Variants in MALRD1 observed in about 807,000 individuals in gnomAD.
MALRD1 encodes MAM and LDL receptor class A domain containing 1.
A neutral mutation model predicts 242.1 loss-of-function variants in MALRD1; 247 were observed. That is an observed-to-expected ratio of 1.02 (90% CI 0.92 to 1.13). The LOEUF (loss-of-function observed/expected upper bound fraction) is 1.13, where lower values mean the gene tolerates loss of function less well. Ranked by LOEUF, MALRD1 falls within the 50% of genes most tolerant of loss-of-function variation. The pLI, the probability that MALRD1 is intolerant of heterozygous loss-of-function variation, is 0.00. For synonymous variants in MALRD1, 995 were observed against 866.6 expected (o/e 1.15, Z -2.60); for missense variants, 2,989 against 2,533.1 (o/e 1.18, Z -3.86).
intron 26 of MALRD1, among the ~76,000 whole-genome samples, chr10:19,355,843 T>TTTTATATATG (rs1554838607): frequency 3.4e-5 from 1 of 29,222 alleles, no homozygotes; most frequent in African/African-American, 2.4e-4. Flanking sequence ...AGAACATATA[T>TTTTATATATG]TATATATATA....
intron 33 of MALRD1, among the ~76,000 whole-genome samples, chr10:19,572,351 G>C (rs74584456): frequency 0.021 from 3,254 of 152,278 alleles, 97 homozygotes; most frequent in African/African-American, 0.073. Context: ...GATCTCATCT[G>C]TCTCCATGAG....
chr10:19,203,968 G>A (rs942563935), intron 15 of MALRD1, 88 bp downstream of exon 15: 6 of 1,433,766 alleles, frequency 4.2e-6, no homozygotes, highest in Non-Finnish European at 5.8e-6. Flanking sequence ...ACGGTTCTGT[G>A]ATAACTACAA....
At chr10:19,546,860 A>G (rs1835229377) in intron 32 of MALRD1, among the ~76,000 whole-genome samples, 1 of 152,164 alleles carries the variant, frequency 6.6e-6, no homozygotes, top group Non-Finnish European at 1.5e-5. Context: ...TTTGGAGAGT[A>G]TAGGTAAGTG....
At chr10:19,566,146 T>G (rs1836237341) in intron 32 of MALRD1, among the ~76,000 whole-genome samples, 1 of 151,962 alleles carries the variant, frequency 6.6e-6, no homozygotes. Flanking sequence ...ATTTATTTTT[T>G]GAGACACAGT....
intron 12 of MALRD1, among the ~76,000 whole-genome samples, chr10:19,163,722 T>C (rs1199382145): frequency 6.6e-6 from 1 of 152,176 alleles, no homozygotes; most frequent in Non-Finnish European, 1.5e-5. Context: ...TGTTCAGTGA[T>C]TTCACCCTCA....
chr10:19,488,378 T>C (rs1837324699), intron 29 of MALRD1, among the ~76,000 whole-genome samples: 2 of 152,112 alleles, frequency 1.3e-5, no homozygotes, highest in South Asian at 4.1e-4. Context: ...CAGCCAGCCA[T>C]GTATAAATAG....
chr10:19,639,476 G>A (rs1005090683), intron 36 of MALRD1, among the ~76,000 whole-genome samples: 1 of 152,098 alleles, frequency 6.6e-6, no homozygotes, highest in African/African-American at 2.4e-5. Flanking sequence ...CATACATTTT[G>A]AGACATCAGC....
chr10:19,667,105 A>AC (rs1841711243), intron 36 of MALRD1, among the ~76,000 whole-genome samples: 2 of 152,122 alleles, frequency 1.3e-5, no homozygotes, highest in East Asian at 3.9e-4. Flanking sequence ...AGAAGGCCCC[A>AC]CCCCCAGCAC....
chr10:19,608,348 C>G (rs1838735072), intron 35 of MALRD1, among the ~76,000 whole-genome samples: 1 of 151,958 alleles, frequency 6.6e-6, no homozygotes, highest in South Asian at 2.1e-4. Flanking sequence ...ATCTATTAAA[C>G]CTTAGCTTGA....
rs1838395696 is a variant in MALRD1, at chr10:19,237,606, T to TA, written c.2992-20078_2992-20077insA. 1.8e-4 allele frequency among the ~76,000 whole-genome samples: 13 copies of TA among 71,432 alleles called. No individual in the cohort carries two copies. In the Admixed American group the frequency reaches 3.6e-3, roughly 20 times the overall value. 46.9% of individuals were successfully genotyped at this position (71,432 alleles called of 152,430 possible). A position where few individuals can be genotyped will look rare whatever the true frequency, so the allele number is the denominator to read the frequency against. On this transcript the variant is annotated intron_variant, in intron 18 of 39. Coordinates refer to ENST00000454679, the MANE Select transcript of MALRD1 (RefSeq NM_001142308.3). The stretch of plus-strand genomic sequence containing the variant: ...TAATTATATAATTATATAATTATAA[T>TA]TATAATTATATAATTATATAATTAT...
chr10:19,545,763 A>T (rs1835181189), intron 32 of MALRD1, among the ~76,000 whole-genome samples: 1 of 152,136 alleles, frequency 6.6e-6, no homozygotes, highest in Non-Finnish European at 1.5e-5. Flanking sequence ...AAACTTCTGG[A>T]CCTTTCCCCA....
chr10:19,644,161 A>G (rs545963683), intron 36 of MALRD1, among the ~76,000 whole-genome samples: 12 of 152,250 alleles, frequency 7.9e-5, no homozygotes, highest in Admixed American at 5.9e-4. Context: ...CAACTTGACT[A>G]TGTCCTCTGT....
chr10:19,659,102 A>G (rs1009456687), intron 36 of MALRD1, among the ~76,000 whole-genome samples: 102 of 152,294 alleles, frequency 6.7e-4, no homozygotes, highest in African/African-American at 2.4e-3. Flanking sequence ...TAGGACAGAG[A>G]GCTCTTCCTA....
chr10:19,267,770 T>C (rs1840028995), intron 19 of MALRD1, among the ~76,000 whole-genome samples: 1 of 151,920 alleles, frequency 6.6e-6, no homozygotes, highest in South Asian at 2.1e-4. Flanking sequence ...CAGAAGAAAA[T>C]ACCAGATTAT....
At position 19,566,229 on chromosome 10, in the gene MALRD1, C is replaced by T. The variant is rs552313886; in HGVS notation, c.5479-1273C>T. Among the ~76,000 whole-genome samples, 16 of 151,900 alleles carry T rather than the reference C, an allele frequency of 1.1e-4. No homozygotes were observed. In the South Asian group the frequency reaches 2.5e-3, roughly 24 times the overall value. ...CTGCAAACTCCACTTCCCGGGTTCA[C>T]GCCATTCTTCTGCCTCAGCCTCCTG... On this transcript the variant is annotated intron_variant, in intron 32 of 39. Coordinates refer to ENST00000454679, the MANE Select transcript of MALRD1 (RefSeq NM_001142308.3).
chr10:19,597,510 A>T (rs1378005430), intron 34 of MALRD1, among the ~76,000 whole-genome samples: 1 of 152,202 alleles, frequency 6.6e-6, no homozygotes. Flanking sequence ...TTCACCAAAC[A>T]TTTGAAGATA....
At chr10:19,138,171 A>T (rs1330761862) in intron 10 of MALRD1, among the ~76,000 whole-genome samples, 10 of 152,176 alleles carry the variant, frequency 6.6e-5, no homozygotes, top group Admixed American at 5.9e-4. Flanking sequence ...TCAGCTTTAA[A>T]CCAAGTAATC....
At chr10:19,068,589 A>G (rs1390906082) in intron 2 of MALRD1, among the ~76,000 whole-genome samples, 1 of 152,136 alleles carries the variant, frequency 6.6e-6, no homozygotes, top group Non-Finnish European at 1.5e-5. Context: ...GAAGGCTGGT[A>G]ACTTTGGTAA....
At chr10:19,639,480 C>T (rs752821753) in intron 36 of MALRD1, among the ~76,000 whole-genome samples, 2 of 152,172 alleles carry the variant, frequency 1.3e-5, no homozygotes, top group African/African-American at 2.4e-5. Context: ...CATTTTGAGA[C>T]ATCAGCAACA....
Sources: allele counts gnomAD v4.1 joint callset (sites outside exome capture counted in the v4.1 genomes callset), GRCh38; gene constraint gnomAD v4.1.1; transcripts MANE v1.5; gene names NCBI Gene and HGNC (gene_info 2026-07-23, HGNC 2026-07-21).